Variants in GPHN observed in about 807,000 individuals in gnomAD.
GPHN encodes the protein gephyrin.
In GPHN, 17 loss-of-function variants were observed where a neutral mutation model predicts 95.5. The ratio of observed to expected loss-of-function variants is 0.18; its 90% confidence interval spans 0.12 to 0.27. The LOEUF is 0.27. GPHN is among the 10% of genes least tolerant of loss of function. GPHN has a pLI of 1.00. For synonymous variants in GPHN, 320 were observed against 322.5 expected (o/e 0.99, Z 0.08); for missense variants, 660 against 978.1 (o/e 0.67, Z 4.34).
chr14:67,561,572 A>G, the GPHN span, among the ~76,000 whole-genome samples: 1 of 152,064 alleles, frequency 6.6e-6, no homozygotes, highest in Non-Finnish European at 1.5e-5. Flanking sequence ...TCAGAAAAGA[A>G]AAGAATATGC....
At chr14:67,355,449 CAAAAAAAAAAAAAAAA>C in the GPHN span, among the ~76,000 whole-genome samples, 20 of 18,958 alleles carry the variant, frequency 1.1e-3, no homozygotes, top group South Asian at 5.8e-3. Context: ...GACCCTGTCT[CAAAAAAAAAAAAAAAA>C]AAAAAAAAAA....
At chr14:67,058,519 G>T in intron 10 of GPHN, 130 bp from the exon 11 acceptor site, 1 of 798,964 alleles carries the variant, frequency 1.3e-6, no homozygotes. Context: ...GGAGGCAGGA[G>T]AAACAGTTTC....
the GPHN span, chr14:67,221,637 A>T: frequency 4.0e-6 from 5 of 1,237,970 alleles, no homozygotes; most frequent in South Asian, 6.1e-5. Flanking sequence ...ATAATCAGCA[A>T]TGGCCTAGGT....
the GPHN span, chr14:67,592,589 A>G: frequency 1.8e-6 from 2 of 1,120,060 alleles, no homozygotes; most frequent in Non-Finnish European, 2.7e-6. Flanking sequence ...TCCTAATGAA[A>G]AGGTTGAGGA....
the GPHN span, among the ~76,000 whole-genome samples, chr14:67,603,114 C>T: frequency 2.0e-5 from 3 of 151,526 alleles, no homozygotes; most frequent in Admixed American, 6.6e-5. Flanking sequence ...TCACCGAAAG[C>T]GGAGTGCAGC....
chr14:67,066,601 A>G (rs1466092340), intron 11 of GPHN, among the ~76,000 whole-genome samples: 2 of 152,060 alleles, frequency 1.3e-5, no homozygotes, highest in East Asian at 1.9e-4. Flanking sequence ...ACATAGTCCC[A>G]TATTTCTTGG....
the GPHN span, among the ~76,000 whole-genome samples, chr14:67,639,092 G>C: frequency 6.6e-6 from 1 of 152,210 alleles, no homozygotes. Flanking sequence ...GCCTGAATTA[G>C]CGACTGAAAT....
At chr14:67,227,878 T>C in the GPHN span, 3 of 152,276 alleles carry the variant, frequency 2.0e-5, no homozygotes, top group East Asian at 5.8e-4. Context: ...TTTAAGAAAT[T>C]AAGTTTCTTG....
chr14:67,177,717 C>T (rs1475213925), intron 21 of GPHN, among the ~76,000 whole-genome samples: 1 of 152,078 alleles, frequency 6.6e-6, no homozygotes. Context: ...GAGTCTAAGT[C>T]TCTTTGTAGG....
chr14:66,760,908 A>G lies in GPHN; in HGVS notation c.144-15556A>G, dbSNP rs1209719897. ...GAAAGTTCAGGATATCAAAGAAGTC[A>G]AGCAAAACATCCATCTTATCCGAGC... On this transcript the variant is annotated intron_variant, in intron 2 of 22. Coordinates refer to ENST00000478722, the MANE Select transcript of GPHN (RefSeq NM_020806.5). 3.1e-6 allele frequency: 3 copies of G among 959,166 alleles called. No homozygotes were observed. In the African/African-American group the frequency reaches 4.9e-5, roughly 16 times the overall value. 59.4% of individuals were successfully genotyped at this position (959,166 alleles called of 1,614,324 possible). A position where few individuals can be genotyped will look rare whatever the true frequency, so the allele number is the denominator to read the frequency against.
chr14:67,444,893 G>A, the GPHN span, among the ~76,000 whole-genome samples: 1 of 152,130 alleles, frequency 6.6e-6, no homozygotes, highest in African/African-American at 2.4e-5. Context: ...CTGAGTAGCT[G>A]GGACTACAGG....
At chr14:67,549,627 T>C in the GPHN span, among the ~76,000 whole-genome samples, 1 of 152,124 alleles carries the variant, frequency 6.6e-6, no homozygotes, top group African/African-American at 2.4e-5. Flanking sequence ...CTGCTCACCA[T>C]AGTATTTCTC....
At chr14:66,792,669 C>A (rs925868157) in intron 3 of GPHN, among the ~76,000 whole-genome samples, 1 of 152,056 alleles carries the variant, frequency 6.6e-6, no homozygotes, top group Non-Finnish European at 1.5e-5. Flanking sequence ...CACACAAAAA[C>A]AAGGAGCACT....
intron 1 of GPHN, among the ~76,000 whole-genome samples, chr14:66,642,460 A>G (rs547967863): frequency 1.3e-5 from 2 of 152,290 alleles, no homozygotes; most frequent in East Asian, 3.9e-4. Flanking sequence ...AGGGACATCA[A>G]TCCTGTAACC....
intron 1 of GPHN, among the ~76,000 whole-genome samples, chr14:66,656,907 A>G (rs2065337627): frequency 6.6e-6 from 1 of 152,174 alleles, no homozygotes; most frequent in Admixed American, 6.5e-5. Flanking sequence ...TTTAAGTGTT[A>G]AAGTGAAAGG....
the GPHN span, among the ~76,000 whole-genome samples, chr14:67,415,354 T>G: frequency 6.6e-6 from 1 of 152,230 alleles, no homozygotes; most frequent in African/African-American, 2.4e-5. Flanking sequence ...GCATAAAATT[T>G]CATGGTGACT....
chr14:67,581,631 A>G, the GPHN span: 1 of 177,622 alleles, frequency 5.6e-6, no homozygotes, highest in Non-Finnish European at 1.2e-5. Flanking sequence ...ATAGCTAAAG[A>G]CTAAGTACTT....
intron 1 of GPHN, among the ~76,000 whole-genome samples, chr14:66,527,496 T>C (rs1215452829): frequency 6.6e-6 from 1 of 152,064 alleles, no homozygotes; most frequent in Non-Finnish European, 1.5e-5. Flanking sequence ...AGTTATTTCG[T>C]GTCTTCTGCT....
the GPHN span, chr14:67,242,088 T>C: frequency 1.3e-5 from 2 of 152,254 alleles, no homozygotes; most frequent in African/African-American, 4.8e-5. Flanking sequence ...TCTGATACTT[T>C]AAGGTTGCAC....
Sources: gnomAD v4.1 joint callset for allele counts (sites outside exome capture counted in the v4.1 genomes callset) on GRCh38, gnomAD v4.1.1 for gene constraint, MANE v1.5 for transcripts, NCBI Gene and HGNC (gene_info 2026-07-23, HGNC 2026-07-21) for gene names.